The following LRP2 variants were observed in gnomAD, a reference collection of about 807,000 sequenced individuals.
The protein encoded by LRP2 is LDL receptor related protein 2, also known as low-density lipoprotein receptor-related protein 2.
A neutral mutation model predicts 531.0 loss-of-function variants in LRP2; 172 were observed. The observed-to-expected ratio is 0.32, with a 90% CI of 0.29 to 0.37. The LOEUF (loss-of-function observed/expected upper bound fraction) is 0.37, where lower values mean the gene tolerates loss of function less well. LRP2 is among the 10% of genes least tolerant of loss of function. The pLI is 1.00. For synonymous variants in LRP2, 1,992 were observed against 2,027.6 expected (o/e 0.98, Z 0.47); for missense variants, 5,167 against 5,868.3 (o/e 0.88, Z 3.90).
At chr2:169,340,276 C>T (rs1188353328) in intron 1 of LRP2, among the ~76,000 whole-genome samples, 1 of 152,148 alleles carries the variant, frequency 6.6e-6, no homozygotes, top group African/African-American at 2.4e-5. Flanking sequence ...TTCTATGCCT[C>T]TCCCAAAATG....
At chr2:169,261,570 G>C (rs1244574512) in intron 16 of LRP2, among the ~76,000 whole-genome samples, 1 of 150,684 alleles carries the variant, frequency 6.6e-6, no homozygotes, top group African/African-American at 2.4e-5. Flanking sequence ...AAAGCATACA[G>C]AGTTTAACCA....
chr2:169,265,214 C>T (rs1690750591), intron 16 of LRP2, among the ~76,000 whole-genome samples: 1 of 151,996 alleles, frequency 6.6e-6, no homozygotes, highest in African/African-American at 2.4e-5. Flanking sequence ...CACATCTTCC[C>T]CTTACCTCAT....
At chr2:169,315,671 G>A (rs1341690793) in intron 3 of LRP2, among the ~76,000 whole-genome samples, 2 of 152,138 alleles carry the variant, frequency 1.3e-5, no homozygotes, top group African/African-American at 4.8e-5. Flanking sequence ...TAGGGAATTG[G>A]AACTTTCTCC....
Position 169,151,174 on chromosome 2 carries a change from G to T in LRP2, c.12462-148C>A, listed in dbSNP as rs186014713. On this transcript the variant is annotated intron_variant, in intron 67 of 78. Coordinates refer to ENST00000649046, the MANE Select transcript of LRP2 (RefSeq NM_004525.3). Reference sequence around the variant, plus strand: ...AGACCATAGTCCCCCTCTCTTGGGGGAACTACAGCCAAGGGGACATGTTTG... The same window carrying T: ...AGACCATAGTCCCCCTCTCTTGGGGTAACTACAGCCAAGGGGACATGTTTG... The T allele has an allele frequency of 1.9e-4, 161 of 862,136 alleles. No homozygotes were observed. In the East Asian group the frequency reaches 2.8e-3, roughly 15 times the overall value. The allele number at this position is 862,136 out of a possible 1,614,324, so 53.4% of individuals were successfully genotyped here.
intron 15 of LRP2, 126 bp downstream of exon 15, chr2:169,272,801 T>G: frequency 8.2e-7 from 1 of 1,224,874 alleles, no homozygotes; most frequent in Non-Finnish European, 1.2e-6. Context: ...TACAGAAAGC[T>G]TATTTGCAGT....
At position 169,140,515 on chromosome 2, in the gene LRP2, G is replaced by T. The variant is rs1385001739; in HGVS notation, c.13139C>A (p.Pro4380Gln). 5.0e-6 allele frequency: 8 copies of T among 1,612,234 alleles called. No homozygotes were observed. Among genetic ancestry groups the T allele is most frequent in the Non-Finnish European group, 5.9e-6 (7 of 1,178,664 alleles). Reference sequence around the variant, plus strand: ...ATTTCCTCCGTGCATGCACCTGCATGGGGGGGGCAGGTTGATAGGCAGTTC... The same window carrying T: ...ATTTCCTCCGTGCATGCACCTGCATTGGGGGGGCAGGTTGATAGGCAGTTC... ...AIELPINLPP[P>Q]CRCMHGGNCY... The change falls in exon 72 of 79, where the codon CCA becomes CAA. Residue 4380 changes from proline to glutamine, a missense_variant. This residue lies in a region of LRP2 where 348 missense variants were observed against 369.3 expected (regional missense o/e 0.94). Coordinates refer to ENST00000649046, the MANE Select transcript of LRP2 (RefSeq NM_004525.3).
In LRP2 at chr2:169,185,687, G is replaced by A. The variant is rs1172905703; in HGVS notation, c.9661C>T (p.Leu3221Phe). ...ACATTGTCCAGTCCTTCCAAGATGA[G>A]GGAGTAAAAATAGCCATCTATAGTT... ...NLTIDGYFYS[L>F]ILEGLDNVVA... Residue 3221 changes from leucine (L) to phenylalanine (F), a missense_variant, in exon 50 of 79, where the codon CTC becomes TTC. Around this residue, in one of 6 missense-constraint regions of LRP2, gnomAD observed 1,129 missense variants for 1,362.7 expected, o/e 0.83. Transcript: ENST00000649046. 1 of 1,613,898 alleles carries A rather than the reference G, an allele frequency of 6.2e-7. No individual in the cohort carries two copies. The highest frequency in any genetic ancestry group is 1.3e-5 in the African/African-American group (1 of 74,872).
At chr2:169,221,046 T>C (rs574966488) in intron 33 of LRP2, among the ~76,000 whole-genome samples, 2 of 152,234 alleles carry the variant, frequency 1.3e-5, no homozygotes, top group East Asian at 3.9e-4. Context: ...CTGTTCCAAG[T>C]CAACAAACTA....
At chr2:169,191,146 A>G (rs981956113) in intron 48 of LRP2, among the ~76,000 whole-genome samples, 23 of 152,240 alleles carry the variant, frequency 1.5e-4, no homozygotes, top group African/African-American at 5.1e-4. Flanking sequence ...AACTTCTGTC[A>G]AAAAGAGAGC....
chr2:169,140,800 C>A (rs1020379766), intron 71 of LRP2, among the ~76,000 whole-genome samples: 1 of 152,150 alleles, frequency 6.6e-6, no homozygotes, highest in African/African-American at 2.4e-5. Context: ...GACTCTGGAG[C>A]ACATATATTA....
chr2:169,284,904 A>G (rs1467839855), intron 9 of LRP2, among the ~76,000 whole-genome samples: 1 of 152,210 alleles, frequency 6.6e-6, no homozygotes, highest in African/African-American at 2.4e-5. Flanking sequence ...AGTCACTCTA[A>G]GCAGAAGTTC....
chr2:169,158,359 G>C (rs1266598133), intron 63 of LRP2, among the ~76,000 whole-genome samples: 2 of 143,766 alleles, frequency 1.4e-5, no homozygotes, highest in East Asian at 3.9e-4. Flanking sequence ...ACATTTGTTT[G>C]TAAACAACTT....
chr2:169,190,038 C>T (rs1276230212), intron 48 of LRP2, among the ~76,000 whole-genome samples: 1 of 152,094 alleles, frequency 6.6e-6, no homozygotes, highest in African/African-American at 2.4e-5. Flanking sequence ...AAATCAACAC[C>T]TGCTACCATT....
At chr2:169,242,820 T>C in intron 24 of LRP2, 136 bp downstream of exon 24, 1 of 773,690 alleles carries the variant, frequency 1.3e-6, no homozygotes. Context: ...TACTGTATGT[T>C]CAATACCACA....
chr2:169,341,428 A>T (rs1685560478), intron 1 of LRP2, among the ~76,000 whole-genome samples: 1 of 152,194 alleles, frequency 6.6e-6, no homozygotes, highest in Admixed American at 6.5e-5. Context: ...TGGAGCACCA[A>T]CTGTTTTTCC....
In LRP2 at chr2:169,316,370, C is replaced by T. The variant is rs116424504; in HGVS notation, c.310+2392G>A. Among the ~76,000 whole-genome samples the T allele has an allele frequency of 6.8e-3, 1,041 of 152,214 alleles. 11 individuals carry two copies. Among genetic ancestry groups the T allele is most frequent in the African/African-American group, 0.024 (982 of 41,532 alleles). On this transcript the variant is annotated intron_variant, in intron 3 of 78. Coordinates refer to ENST00000649046, the MANE Select transcript of LRP2 (RefSeq NM_004525.3). Reference sequence around the variant, plus strand: ...TTGATTATATCTTTCCTGTCACTTACAGCAATCTTTCTTCTTCATCTAATA... The same window carrying T: ...TTGATTATATCTTTCCTGTCACTTATAGCAATCTTTCTTCTTCATCTAATA...
At chr2:169,274,950 C>G in intron 14 of LRP2, 86 bp downstream of exon 14, 1 of 1,282,792 alleles carries the variant, frequency 7.8e-7, no homozygotes, top group Non-Finnish European at 1.1e-6. Flanking sequence ...TCACATAAGA[C>G]CCCTCATTAT....
rs145365776 is a variant in LRP2, at chr2:169,233,437, G to T, written c.5072C>A (p.Ala1691Glu). 1.2e-5 allele frequency: 20 copies of T among 1,614,144 alleles called. No homozygotes were observed. The highest frequency in any genetic ancestry group is 1.7e-6 in the Non-Finnish European group (2 of 1,180,014). ...YNIQWPLGIV[A>E]VHPSKQPNSV... ...ATTTGGTTGTTTCGAAGGATGAACC[G>T]CAACAATCCCAAGGGGCCATTGAAT... Residue 1691 changes from alanine to glutamate, a missense_variant, in exon 30 of 79, where the codon GCG becomes GAG. By Grantham distance (107) the Ala-to-Glu change is moderately radical (BLOSUM62 -1). Coordinates refer to ENST00000649046, the MANE Select transcript of LRP2 (RefSeq NM_004525.3).
chr2:169,207,542 C>T (rs1013461756), intron 38 of LRP2, among the ~76,000 whole-genome samples: 3 of 152,164 alleles, frequency 2.0e-5, no homozygotes, highest in Non-Finnish European at 4.4e-5. Context: ...GTATATTTTC[C>T]AGAATGTCCC....
Sources: gnomAD v4.1 joint callset for allele counts (sites outside exome capture counted in the v4.1 genomes callset) on GRCh38, gnomAD v4.1.1 for gene constraint, gnomAD v4.1.1 regional missense constraint, MANE v1.5 for transcripts, NCBI Gene and HGNC (gene_info 2026-07-23, HGNC 2026-07-21) for gene names.